SP8: variants seen among roughly 807,000 people sequenced by gnomAD.
SP8 encodes the protein transcription factor Sp8.
SP8 carries 7 observed loss-of-function variants against 15.3 expected under a neutral mutation model. The ratio of observed to expected loss-of-function variants is 0.46; its 90% CI spans 0.26 to 0.86. The LOEUF (loss-of-function observed/expected upper bound fraction) is 0.86, where lower values mean the gene tolerates loss of function less well. SP8 is among the 40% of genes least tolerant of loss of function. The pLI is 0.16. For missense variants in SP8, 731 were observed against 736.4 expected, an observed-to-expected ratio of 0.99 and a Z score of 0.09; for synonymous variants, 415 against 356.3, an observed-to-expected ratio of 1.16 and a Z score of -1.86.
chr7:20,785,500 C>G lies in SP8; in HGVS notation c.317G>C (p.Ser106Thr). ...AAAALVSDSF[S>T]CGGSPGSSAF... ...GCTGGAGCCAGGCGAGCCGCCGCAG[C>G]TGAACGAGTCGGACACCAGGGCCGC... The change falls in exon 2 of 2, where the codon AGC becomes ACC. Residue 106 changes from serine (S) to threonine (T), a missense_variant. Around this residue, in one of 3 missense-constraint regions of SP8, gnomAD observed 586 missense variants for 524.9 expected, o/e 1.12. Coordinates refer to ENST00000418710, the MANE Select transcript of SP8 (RefSeq NM_182700.6). This position sits in a 1 kb window ranked among gnomAD's most constrained non-coding sequence, Gnocchi z 7.2. 6.9e-7 allele frequency: 1 copy of G among 1,441,786 alleles called. No individual in the cohort carries two copies. Among genetic ancestry groups the G allele is most frequent in the Non-Finnish European group, 9.0e-7 (1 of 1,108,026 alleles). 89.3% of individuals were successfully genotyped at this position (1,441,786 alleles called of 1,614,324 possible).
chr7:20,783,012 C>G lies in SP8; in HGVS notation c.*1278G>C, dbSNP rs1308009107. 4 of 152,452 alleles carry G rather than the reference C, an allele frequency of 2.6e-5. No individual in the cohort carries two copies. The highest frequency in any genetic ancestry group is 5.9e-5 in the Non-Finnish European group (4 of 68,032). 9.4% of individuals were successfully genotyped at this position (152,452 alleles called of 1,614,324 possible). On this transcript the variant is annotated 3_prime_UTR_variant, in exon 2 of 2. Coordinates refer to ENST00000418710, the MANE Select transcript of SP8 (RefSeq NM_182700.6). ...AATCTAGAACGATTCTCCAGTTGTA[C>G]AAACCATTAGGTTCAGATATATTTT...
rs544195669 is a variant in SP8 at position 20,782,426 on chromosome 7, G to C, written c.*1864C>G. 6.5e-6 allele frequency: 1 copy of C among 152,720 alleles called. No individual in the cohort carries two copies. The highest frequency in any genetic ancestry group is 2.1e-4 in the South Asian group (1 of 4,820). The allele number at this position is 152,720 out of a possible 1,614,324, so 9.5% of individuals were successfully genotyped here. A position where few individuals can be genotyped will look rare whatever the true frequency, so the allele number is the denominator to read the frequency against. Reference sequence around the variant, plus strand: ...ATCCAAATTATTTCAACATTACAATGAGCAATTAGTTTGCAGAATCTGCAA... The same window carrying C: ...ATCCAAATTATTTCAACATTACAATCAGCAATTAGTTTGCAGAATCTGCAA... On this transcript the variant is annotated 3_prime_UTR_variant, in exon 2 of 2. Coordinates refer to ENST00000418710, the MANE Select transcript of SP8 (RefSeq NM_182700.6).
chr7:20,785,331 GCCGC>G lies in SP8; in HGVS notation c.482_485del (p.Gly161AlafsTer115). On this transcript the variant is annotated frameshift_variant, in exon 2 of 2. Transcript: ENST00000418710. LOFTEE classifies it low-confidence loss of function (END_TRUNC). The surrounding 1 kb of genome is among the most constrained non-coding windows in gnomAD (Gnocchi z 7.2). Reference sequence around the variant, plus strand: ...GCGAGTGCGCGGAGGAGCCGCCGCCGCCGCCCCCGCCGCCGCCGCCGCTGCCCCC... The same window carrying G: ...GCGAGTGCGCGGAGGAGCCGCCGCCGCCCCGCCGCCGCCGCCGCTGCCCCC... The G allele has an allele frequency of 6.8e-7, 1 of 1,479,298 alleles. No homozygotes were observed. Among genetic ancestry groups the G allele is most frequent in the South Asian group, 1.3e-5 (1 of 77,576 alleles). 91.6% of individuals were successfully genotyped at this position (1,479,298 alleles called of 1,614,324 possible). A position where few individuals can be genotyped will look rare whatever the true frequency, so the allele number is the denominator to read the frequency against.
Position 20,783,348 on chromosome 7 carries a change from C to A in SP8, c.*942G>T. On this transcript the variant is annotated 3_prime_UTR_variant, in exon 2 of 2. Transcript: ENST00000418710. The stretch of plus-strand genomic sequence containing the variant: ...ATAAGAAAAAAGCACCTACCCTCAC[C>A]CCCGCCCCCACCCCGTAAGTTAAGT... 6.7e-6 allele frequency: 1 copy of A among 150,368 alleles called. No individual in the cohort carries two copies. 9.3% of individuals were successfully genotyped at this position (150,368 alleles called of 1,614,324 possible).
rs774107328 is a variant in SP8, at chr7:20,785,072, C to T, written c.745G>A (p.Gly249Ser). 30 of 1,579,884 alleles carry T rather than the reference C, an allele frequency of 1.9e-5. No homozygotes were observed. The Admixed American group carries it at 4.2e-4, about 22-fold the overall frequency. Residue 249 changes from glycine to serine, a missense_variant, in exon 2 of 2, where the codon GGC becomes AGC. By Grantham distance (56) the Gly-to-Ser change is moderately conservative. This residue lies in a region of SP8 where 586 missense variants were observed against 524.9 expected (regional missense o/e 1.12). Coordinates refer to ENST00000418710, the MANE Select transcript of SP8 (RefSeq NM_182700.6). This position sits in a 1 kb window ranked among gnomAD's most constrained non-coding sequence, Gnocchi z 7.2. ...CCCCCGGCGGCAGGGTGCAGCGAGC[C>T]GGGCAGCGCAGCCGCGCTGTTCGGG... ...QNPNSAAALP[G>S]SLHPAAGGLQ...
Position 20,785,337 on chromosome 7 carries a change from C to CGGCAG in SP8, c.479_480insCTGCC (p.Gly161CysfsTer118). ...GCGCGGAGGAGCCGCCGCCGCCGCC[C>CGGCAG]CCGCCGCCGCCGCCGCTGCCCCCGG... On this transcript the variant is annotated frameshift_variant, in exon 2 of 2. Coordinates refer to ENST00000418710, the MANE Select transcript of SP8 (RefSeq NM_182700.6). LOFTEE classifies it low-confidence loss of function (END_TRUNC). The surrounding 1 kb of genome is among the most constrained non-coding windows in gnomAD (Gnocchi z 7.2). 8.8e-6 allele frequency: 12 copies of CGGCAG among 1,371,288 alleles called. No individual in the cohort carries two copies. The highest frequency in any genetic ancestry group is 9.8e-6 in the Non-Finnish European group (10 of 1,023,192). 84.9% of individuals were successfully genotyped at this position (1,371,288 alleles called of 1,614,324 possible). A position where few individuals can be genotyped will look rare whatever the true frequency, so the allele number is the denominator to read the frequency against.
Position 20,784,891 on chromosome 7 carries a change from T to C in SP8, c.926A>G (p.Tyr309Cys), listed in dbSNP as rs1783613182. 1.3e-6 allele frequency: 2 copies of C among 1,530,814 alleles called. No individual in the cohort carries two copies. The highest frequency in any genetic ancestry group is 1.7e-6 in the Non-Finnish European group (2 of 1,145,204). 94.8% of individuals were successfully genotyped at this position (1,530,814 alleles called of 1,614,324 possible). The change falls in exon 2 of 2, where the codon TAC (tyrosine) becomes TGC (cysteine). Residue 309 changes from tyrosine to cysteine, a missense_variant. Coordinates refer to ENST00000418710, the MANE Select transcript of SP8 (RefSeq NM_182700.6). Reference protein sequence around the residue: ...DGFKPVLPGSYPDSAPSPLAG... With the variant: ...DGFKPVLPGSCPDSAPSPLAG... ...CAGCGGCGACGGGGCCGAGTCCGGG[T>C]AGGAGCCGGGTAGCACTGGCTTGAA...
In SP8 at chr7:20,784,005, A is replaced by G. The variant is rs1783579447; in HGVS notation, c.*285T>C. 1 of 426,512 alleles carries G rather than the reference A, an allele frequency of 2.3e-6. No homozygotes were observed. Among genetic ancestry groups the G allele is most frequent in the Non-Finnish European group, 4.1e-6 (1 of 246,880 alleles). 26.4% of individuals were successfully genotyped at this position (426,512 alleles called of 1,614,324 possible). On this transcript the variant is annotated 3_prime_UTR_variant, in exon 2 of 2. Coordinates refer to ENST00000418710, the MANE Select transcript of SP8 (RefSeq NM_182700.6). ...GAGGACAAGGAAGAGAGAACGAGAA[A>G]TAAAGGCCCGACGAGGCGCGGGTTC...
In SP8 at chr7:20,784,328, G is replaced by A. The variant is rs1293509500; in HGVS notation, c.1489C>T (p.Gln497Ter). ...TTGCGGTGCCCGGGCTCGGGGGGCT[G>A]CAGCAGCTCTGGGGAGTGGCAGGGC... ...SPPCHSPELL[Q>*]PPEPGHRNGL... Residue 497 changes from glutamine (Q) to a stop codon, truncating the protein, a stop_gained, in exon 2 of 2, where the codon CAG (glutamine) becomes TAG (stop). Coordinates refer to ENST00000418710, the MANE Select transcript of SP8 (RefSeq NM_182700.6). LOFTEE classifies it high-confidence loss of function. The A allele has an allele frequency of 6.0e-6, 9 of 1,506,264 alleles. No individual in the cohort carries two copies. Among genetic ancestry groups the A allele is most frequent in the Middle Eastern group, 2.3e-4 (1 of 4,326 alleles). The allele number at this position is 1,506,264 out of a possible 1,614,324, so 93.3% of individuals were successfully genotyped here.
In SP8 at chr7:20,782,806, C is replaced by G. The variant is rs1464664814; in HGVS notation, c.*1484G>C. 1.3e-5 allele frequency: 2 copies of G among 151,978 alleles called. No homozygotes were observed. Among genetic ancestry groups the G allele is most frequent in the African/African-American group, 2.4e-5 (1 of 41,192 alleles). 9.4% of individuals were successfully genotyped at this position (151,978 alleles called of 1,614,324 possible). ...TGAGTTCAAAAAACCTGCAGCTCAT[C>G]AGAACTGCAACAATAACTCTTAATA... On this transcript the variant is annotated 3_prime_UTR_variant, in exon 2 of 2. Transcript: ENST00000418710.
In SP8 at chr7:20,786,142, G is replaced by T; in HGVS notation, c.22-347C>A. On this transcript the variant is annotated intron_variant, in intron 1 of 1. Coordinates refer to ENST00000418710, the MANE Select transcript of SP8 (RefSeq NM_182700.6). This position sits in a 1 kb window ranked among gnomAD's most constrained non-coding sequence, Gnocchi z 4.4. ...ACAAACAAGCAAAAAGTCCAGATTG[G>T]AGAGGAAGGAAGTTTTCTTTGCCGA... is the stretch of plus-strand genomic sequence containing the variant. The T allele has an allele frequency of 1.6e-6, 1 of 619,624 alleles. No homozygotes were observed. The highest frequency in any genetic ancestry group is 2.1e-6 in the Non-Finnish European group (1 of 476,486). 38.4% of individuals were successfully genotyped at this position (619,624 alleles called of 1,614,324 possible). A position where few individuals can be genotyped will look rare whatever the true frequency, so the allele number is the denominator to read the frequency against.
chr7:20,784,851 GC>G lies in SP8; in HGVS notation c.965del (p.Gly322AlafsTer4). On this transcript the variant is annotated frameshift_variant, in exon 2 of 2. Transcript: ENST00000418710. LOFTEE classifies it high-confidence loss of function. ...CCGAAGGCCCAGCGCTCAACATGGA[GC>G]CCCCCGCGCCGGCCAGCGGCGACGG... Reference protein sequence around the residue: ...SAPSPLAGAGGSMLSAGPSAP... With the variant: ...SAPSPLAGAGXSMLSAGPSAP... 1.3e-6 allele frequency: 2 copies of G among 1,525,272 alleles called. No individual in the cohort carries two copies. The highest frequency in any genetic ancestry group is 8.8e-7 in the Non-Finnish European group (1 of 1,142,716). 94.5% of individuals were successfully genotyped at this position (1,525,272 alleles called of 1,614,324 possible). A position where few individuals can be genotyped will look rare whatever the true frequency, so the allele number is the denominator to read the frequency against.
At position 20,785,184 on chromosome 7, in the gene SP8, G is replaced by A. The variant is rs772831732; in HGVS notation, c.633C>T (p.His211=). Residue 211 remains histidine (H), a synonymous_variant, in exon 2 of 2, where the codon CAC becomes CAT. Coordinates refer to ENST00000418710, the MANE Select transcript of SP8 (RefSeq NM_182700.6). This position sits in a 1 kb window ranked among gnomAD's most constrained non-coding sequence, Gnocchi z 7.2. The part of the protein sequence containing the change: ...HPYESWFKPS[H]PGLGAAGEVG... Reference sequence around the variant, plus strand: ...CCTCGCCCGCAGCACCCAGGCCCGGGTGCGAGGGCTTAAACCACGACTCGT... The same window carrying A: ...CCTCGCCCGCAGCACCCAGGCCCGGATGCGAGGGCTTAAACCACGACTCGT... 3 of 1,599,696 alleles carry A rather than the reference G, an allele frequency of 1.9e-6. No individual in the cohort carries two copies. In the South Asian group the frequency reaches 3.4e-5, roughly 18 times the overall value.
chr7:20,784,033 GC>G lies in SP8; in HGVS notation c.*256del. On this transcript the variant is annotated 3_prime_UTR_variant, in exon 2 of 2. Transcript: ENST00000418710. ...AAGGCCCGACGAGGCGCGGGTTCCG[GC>G]TGCAACGGGTTCAGGCAGCGTTACC... is the stretch of plus-strand genomic sequence containing the variant. 2.3e-6 allele frequency: 1 copy of G among 441,518 alleles called. No homozygotes were observed. Among genetic ancestry groups the G allele is most frequent in the Non-Finnish European group, 3.9e-6 (1 of 257,146 alleles). The allele number at this position is 441,518 out of a possible 1,614,324, so 27.4% of individuals were successfully genotyped here.
chr7:20,784,103 C>T lies in SP8; in HGVS notation c.*187G>A. The stretch of plus-strand genomic sequence containing the variant: ...GGGCCCGGGACAGCGATGCGTGTTA[C>T]TTACTTGTCCATATCCCCTTTACAA... On this transcript the variant is annotated 3_prime_UTR_variant, in exon 2 of 2. Transcript: ENST00000418710. 1 of 533,258 alleles carries T rather than the reference C, an allele frequency of 1.9e-6. No homozygotes were observed. Among genetic ancestry groups the T allele is most frequent in the Non-Finnish European group, 3.0e-6 (1 of 331,878 alleles). The allele number at this position is 533,258 out of a possible 1,614,324, so 33.0% of individuals were successfully genotyped here. A position where few individuals can be genotyped will look rare whatever the true frequency, so the allele number is the denominator to read the frequency against.
In SP8 at chr7:20,784,175, G is replaced by T. The variant is rs1402026044; in HGVS notation, c.*115C>A. 12 of 944,018 alleles carry T rather than the reference G, an allele frequency of 1.3e-5. No homozygotes were observed. The highest frequency in any genetic ancestry group is 3.5e-5 in the African/African-American group (2 of 57,140). The allele number at this position is 944,018 out of a possible 1,614,324, so 58.5% of individuals were successfully genotyped here. A position where few individuals can be genotyped will look rare whatever the true frequency, so the allele number is the denominator to read the frequency against. On this transcript the variant is annotated 3_prime_UTR_variant, in exon 2 of 2. Coordinates refer to ENST00000418710, the MANE Select transcript of SP8 (RefSeq NM_182700.6). ...AGGAAGAGGGGCAGAAACAGAAAGA[G>T]ACAGAGAGCGAGTCGGATGCAATAG...
Position 20,786,635 on chromosome 7 carries a change from C to T in SP8, c.21+143G>A. 2 of 741,538 alleles carry T rather than the reference C, an allele frequency of 2.7e-6. No homozygotes were observed. The highest frequency in any genetic ancestry group is 5.0e-4 in the Middle Eastern group (2 of 4,026). 45.9% of individuals were successfully genotyped at this position (741,538 alleles called of 1,614,324 possible). Reference sequence around the variant, plus strand: ...TCTCCCCCTTTTTCTTTTCTCCAAACTCACTTGTATTTAAAGAAAAAAAAA... The same window carrying T: ...TCTCCCCCTTTTTCTTTTCTCCAAATTCACTTGTATTTAAAGAAAAAAAAA... On this transcript the variant is annotated intron_variant, in intron 1 of 1. Transcript: ENST00000418710. The surrounding 1 kb of genome is among the most constrained non-coding windows in gnomAD (Gnocchi z 4.4).
In SP8 at chr7:20,786,722, C is replaced by G; in HGVS notation, c.21+56G>C. The G allele has an allele frequency of 3.2e-6, 5 of 1,543,416 alleles. No homozygotes were observed. Among genetic ancestry groups the G allele is most frequent in the Non-Finnish European group, 4.5e-6 (5 of 1,115,460 alleles). On this transcript the variant is annotated intron_variant, in intron 1 of 1. Transcript: ENST00000418710. The surrounding 1 kb of genome is among the most constrained non-coding windows in gnomAD (Gnocchi z 4.4). Reference sequence around the variant, plus strand: ...TGGCCGGGGCGACTTTAACCCCCTCCAATCGGCAATAAAAGGAAACTAATT... The same window carrying G: ...TGGCCGGGGCGACTTTAACCCCCTCGAATCGGCAATAAAAGGAAACTAATT...
chr7:20,786,337 T>G lies in SP8; in HGVS notation c.21+441A>C, dbSNP rs1321511295. 6.6e-6 allele frequency among the ~76,000 whole-genome samples: 1 copy of G among 152,146 alleles called. No individual in the cohort carries two copies. The highest frequency in any genetic ancestry group is 1.5e-5 in the Non-Finnish European group (1 of 68,020). On this transcript the variant is annotated intron_variant, in intron 1 of 1. Transcript: ENST00000418710. The surrounding 1 kb of genome is among the most constrained non-coding windows in gnomAD (Gnocchi z 4.4). Reference sequence around the variant, plus strand: ...TTTCTTCCTGCTTTTCTTTCTTTCTTTTTTTAAAAGCATATCTACAGTAGT... The same window carrying G: ...TTTCTTCCTGCTTTTCTTTCTTTCTGTTTTTAAAAGCATATCTACAGTAGT...
Sources: gnomAD v4.1 joint callset for allele counts (sites outside exome capture counted in the v4.1 genomes callset) on GRCh38, gnomAD v4.1.1 for gene constraint, gnomAD v4.1.1 regional missense constraint, Gnocchi (gnomAD v3.1) non-coding constraint, MANE v1.5 for transcripts, NCBI Gene and HGNC (gene_info 2026-07-23, HGNC 2026-07-21) for gene names.